Variants in DLG2 observed in about 807,000 individuals in gnomAD.
DLG2 encodes the protein discs large MAGUK scaffold protein 2, also known as disks large homolog 2.
In DLG2, 45 loss-of-function variants were observed where a neutral mutation model predicts 132.5. That is an observed-to-expected ratio of 0.34 (90% CI 0.27 to 0.44). The LOEUF is 0.44. DLG2 is among the 20% of genes least tolerant of loss of function. The probability of loss-of-function intolerance (pLI) is 1.00; values close to 1 mark genes in which losing one functional copy is unlikely to be tolerated. For missense variants in DLG2, 1,045 were observed against 1,196.9 expected, an observed-to-expected ratio of 0.87 and a Z score of 1.87; for synonymous variants, 424 against 419.6, an observed-to-expected ratio of 1.01 and a Z score of -0.13.
At chr11:84,048,875 C>G (rs181961928) in intron 11 of DLG2, among the ~76,000 whole-genome samples, 2 of 151,512 alleles carry the variant, frequency 1.3e-5, no homozygotes, top group East Asian at 3.9e-4. Context: ...ACAAAGCTAT[C>G]CATGGACAGA....
chr11:85,304,368 C>A (rs545024393), intron 3 of DLG2, among the ~76,000 whole-genome samples: 1 of 152,138 alleles, frequency 6.6e-6, no homozygotes, highest in South Asian at 2.1e-4. Flanking sequence ...AAGAAAACCA[C>A]AAAGCAAAGA....
At chr11:85,067,808 A>G (rs11234280) in intron 6 of DLG2, among the ~76,000 whole-genome samples, 15,553 of 152,138 alleles carry the variant, frequency 0.1, 1,110 homozygotes, top group Non-Finnish European at 0.15. Flanking sequence ...TTATGAGGCC[A>G]GCATCATCCT....
intron 3 of DLG2, among the ~76,000 whole-genome samples, chr11:85,425,763 C>CT (rs1354641931): frequency 6.6e-6 from 1 of 152,158 alleles, no homozygotes; most frequent in Non-Finnish European, 1.5e-5. Context: ...CCAGGTTCAT[C>CT]TCACTGGGGA....
chr11:84,234,168 G>C (rs958551492), intron 8 of DLG2, among the ~76,000 whole-genome samples: 6 of 152,168 alleles, frequency 3.9e-5, no homozygotes, highest in African/African-American at 1.2e-4. Flanking sequence ...TGGGGGAAGA[G>C]ATGCAAGACC....
At chr11:84,395,340 T>A (rs1256858811) in intron 7 of DLG2, among the ~76,000 whole-genome samples, 4 of 152,206 alleles carry the variant, frequency 2.6e-5, no homozygotes, top group African/African-American at 9.6e-5. Context: ...TGGTTGCAAA[T>A]GCTGTCAGGG....
chr11:84,835,004 G>A (rs2079552154), intron 6 of DLG2, among the ~76,000 whole-genome samples: 1 of 151,610 alleles, frequency 6.6e-6, no homozygotes, highest in South Asian at 2.1e-4. Context: ...GTAAGCTAAT[G>A]TGTGATGTGC....
intron 18 of DLG2, among the ~76,000 whole-genome samples, chr11:83,775,742 G>T (rs1396422543): frequency 4.4e-4 from 64 of 147,122 alleles, no homozygotes; most frequent in African/African-American, 1.5e-3. Flanking sequence ...TTTCAATTTG[G>T]TCTACATTTA....
At chr11:83,999,626 G>C (rs1234519592) in intron 11 of DLG2, among the ~76,000 whole-genome samples, 1 of 152,050 alleles carries the variant, frequency 6.6e-6, no homozygotes, top group African/African-American at 2.4e-5. Flanking sequence ...GACATGCTCA[G>C]CTCACTGCTG....
At chr11:85,019,556 G>C (rs1187015237) in intron 6 of DLG2, among the ~76,000 whole-genome samples, 1 of 151,910 alleles carries the variant, frequency 6.6e-6, no homozygotes, top group Non-Finnish European at 1.5e-5. Flanking sequence ...TGCCATGTTG[G>C]TGTGCTGCAC....
At chr11:84,966,217 T>C (rs557226552) in intron 6 of DLG2, among the ~76,000 whole-genome samples, 1 of 152,092 alleles carries the variant, frequency 6.6e-6, no homozygotes, top group Non-Finnish European at 1.5e-5. Context: ...TATCTATCTA[T>C]CTGTCTGTCT....
At chr11:84,655,843 G>C (rs1162559060) in intron 6 of DLG2, among the ~76,000 whole-genome samples, 1 of 151,872 alleles carries the variant, frequency 6.6e-6, no homozygotes, top group Non-Finnish European at 1.5e-5. Context: ...CTATCAGGGG[G>C]CCTTTTCATC....
At chr11:84,714,642 TCTCTTTC>T (rs2060973571) in intron 6 of DLG2, among the ~76,000 whole-genome samples, 8 of 141,902 alleles carry the variant, frequency 5.6e-5, no homozygotes, top group African/African-American at 1.1e-4. Flanking sequence ...TCTCTCTCTC[TCTCTTTC>T]TCTCTCTCTC....
At chr11:85,311,025 C>T (rs1161602005) in intron 3 of DLG2, among the ~76,000 whole-genome samples, 1 of 152,114 alleles carries the variant, frequency 6.6e-6, no homozygotes, top group East Asian at 1.9e-4. Flanking sequence ...ACAAACCTGC[C>T]CCCACAGTCT....
intron 8 of DLG2, among the ~76,000 whole-genome samples, chr11:84,181,343 G>T (rs1044207126): frequency 6.6e-6 from 1 of 151,370 alleles, no homozygotes; most frequent in Non-Finnish European, 1.5e-5. Flanking sequence ...AAAAGTAAAA[G>T]AAGAAGTATA....
chr11:84,774,750 T>G lies in DLG2; in HGVS notation c.358-240019A>C, dbSNP rs933801849. Among the ~76,000 whole-genome samples the G allele has an allele frequency of 5.9e-5, 9 of 152,140 alleles. No individual in the cohort carries two copies. The East Asian group carries it at 1.5e-3, about 26-fold the overall frequency. The stretch of plus-strand genomic sequence containing the variant: ...TACTTGCTATCCATATGCAGAAGAA[T>G]AAACCTGGACCCCTACTTTTCATCA... On this transcript the variant is annotated intron_variant, in intron 6 of 27. Transcript: ENST00000376104.
intron 13 of DLG2, among the ~76,000 whole-genome samples, chr11:83,964,876 A>AT (rs2089832996): frequency 6.6e-6 from 1 of 151,986 alleles, no homozygotes; most frequent in African/African-American, 2.4e-5. Flanking sequence ...ATTGAGGATC[A>AT]TAATTTCGCC....
At chr11:83,880,064 C>T (rs1484468329) in intron 15 of DLG2, among the ~76,000 whole-genome samples, 1 of 152,132 alleles carries the variant, frequency 6.6e-6, no homozygotes, top group Non-Finnish European at 1.5e-5. Context: ...ACTTGAGTGT[C>T]TTGGCTTGGC....
intron 19 of DLG2, among the ~76,000 whole-genome samples, chr11:83,595,324 G>A (rs2057390128): frequency 6.6e-6 from 1 of 152,140 alleles, no homozygotes. Flanking sequence ...AAATCCAGCT[G>A]TGTAAGGACT....
At chr11:84,899,764 G>A (rs1310261202) in intron 6 of DLG2, among the ~76,000 whole-genome samples, 1 of 152,036 alleles carries the variant, frequency 6.6e-6, no homozygotes, top group Non-Finnish European at 1.5e-5. Flanking sequence ...TGTGCTACAA[G>A]GTAAAGCTAT....
Sources: gnomAD v4.1 joint callset for allele counts (sites outside exome capture counted in the v4.1 genomes callset) on GRCh38, gnomAD v4.1.1 for gene constraint, MANE v1.5 for transcripts, NCBI Gene and HGNC (gene_info 2026-07-23, HGNC 2026-07-21) for gene names.